PHF11: variants seen among roughly 807,000 people sequenced by gnomAD.
The protein encoded by PHF11 is PHD finger protein 11.
In PHF11, 38 loss-of-function variants were observed where a neutral mutation model predicts 40.5. That is an observed-to-expected ratio of 0.94 (90% CI 0.72 to 1.23). PHF11 has a LOEUF of 1.23. Ranked by LOEUF, PHF11 falls within the 50% of genes most tolerant of loss-of-function variation. PHF11 has a pLI of 0.00. For synonymous variants in PHF11, 127 were observed against 138.2 expected (o/e 0.92, Z 0.57); for missense variants, 369 against 392.4 (o/e 0.94, Z 0.50).
chr13:49,503,646 G>T (rs1222700531), intron 1 of PHF11, among the ~76,000 whole-genome samples: 1 of 152,216 alleles, frequency 6.6e-6, no homozygotes, highest in Non-Finnish European at 1.5e-5. Flanking sequence ...TTGACTAAAT[G>T]TTGAAAGGAT....
intron 4 of PHF11, chr13:49,518,850 T>G (rs2139064943): frequency 6.6e-6 from 1 of 151,558 alleles, no homozygotes; most frequent in African/African-American, 2.4e-5. Context: ...TTTTTTTTTT[T>G]TTTGAGACAG....
intron 3 of PHF11, among the ~76,000 whole-genome samples, chr13:49,517,044 T>A (rs1959164625): frequency 6.6e-6 from 1 of 152,228 alleles, no homozygotes; most frequent in East Asian, 1.9e-4. Flanking sequence ...CATGTACAAC[T>A]TATTCAGGAG....
rs777403349 is a variant in PHF11, at chr13:49,518,023, C to A, written c.330C>A (p.Cys110Ter). ...TAAAATCTATTCTTCTGTAGAAATG[C>A]AAATTTTGTCATAAAAGAGGAGCCA... ...KEIQRGRKLK[C>*]KFCHKRGATV... The change falls in exon 4 of 10, where the codon TGC (cysteine) becomes TGA (stop). Residue 110 changes from cysteine to a stop codon, truncating the protein, a stop_gained. Transcript: ENST00000378319. LOFTEE classifies it high-confidence loss of function. 1.3e-6 allele frequency: 2 copies of A among 1,527,856 alleles called. No homozygotes were observed. The highest frequency in any genetic ancestry group is 1.4e-5 in the African/African-American group (1 of 72,276). The allele number at this position is 1,527,856 out of a possible 1,614,324, so 94.6% of individuals were successfully genotyped here. A position where few individuals can be genotyped will look rare whatever the true frequency, so the allele number is the denominator to read the frequency against.
chr13:49,514,093 A>C (rs2139055262), intron 3 of PHF11, among the ~76,000 whole-genome samples: 1 of 152,330 alleles, frequency 6.6e-6, no homozygotes, highest in East Asian at 1.9e-4. Flanking sequence ...AAGGAGGAAG[A>C]AATGCTGAGA....
intron 2 of PHF11, among the ~76,000 whole-genome samples, chr13:49,511,398 C>A (rs1566190841): frequency 6.8e-6 from 1 of 147,786 alleles, no homozygotes; most frequent in Non-Finnish European, 1.5e-5. Context: ...GCGATCTCGG[C>A]TCACTGCACC....
At chr13:49,511,624 G>A (rs558178408) in intron 2 of PHF11, among the ~76,000 whole-genome samples, 17 of 152,232 alleles carry the variant, frequency 1.1e-4, no homozygotes, top group Admixed American at 9.2e-4. Flanking sequence ...CACCGCACCC[G>A]GCTATTCAGT....
chr13:49,508,230 TTGTG>T, intron 2 of PHF11, among the ~76,000 whole-genome samples: 1 of 124,964 alleles, frequency 8.0e-6, no homozygotes, highest in Non-Finnish European at 1.7e-5. Flanking sequence ...TAATATATTA[TTGTG>T]TTATGTATTA....
chr13:49,528,674 G>A lies in PHF11; in HGVS notation c.*9G>A, dbSNP rs1046295. On this transcript the variant is annotated 3_prime_UTR_variant, in exon 10 of 10. Transcript: ENST00000378319. ...CATCCCTGTCTTATTAGGGATTACCGTTTCCTAAGCCAAGAGTCATGTCAA... is the reference window on the plus strand; with the variant it reads ...CATCCCTGTCTTATTAGGGATTACCATTTCCTAAGCCAAGAGTCATGTCAA... 0.51 allele frequency: 805,010 copies of A among 1,573,548 alleles called. 209,815 individuals are homozygous for A. The highest frequency in any genetic ancestry group is 0.54 in the Middle Eastern group (3,199 of 5,908).
chr13:49,522,642 C>T (rs530041633), intron 6 of PHF11, among the ~76,000 whole-genome samples: 5 of 152,158 alleles, frequency 3.3e-5, no homozygotes, highest in Admixed American at 1.3e-4. Context: ...AATTCATATG[C>T]GCCAGCAACC....
At chr13:49,507,881 G>T (rs1015729724) in intron 2 of PHF11, among the ~76,000 whole-genome samples, 1 of 152,074 alleles carries the variant, frequency 6.6e-6, no homozygotes, top group Non-Finnish European at 1.5e-5. Flanking sequence ...AGCCTTGGGG[G>T]TTCCTGGAAC....
chr13:49,525,952 T>C, intron 8 of PHF11: 1 of 351,644 alleles, frequency 2.8e-6, no homozygotes, highest in Non-Finnish European at 5.5e-6. Flanking sequence ...GTGGATCATC[T>C]GTGGTCAGCA....
intron 2 of PHF11, among the ~76,000 whole-genome samples, chr13:49,508,268 T>G (rs1959035405): frequency 6.8e-6 from 1 of 147,230 alleles, no homozygotes; most frequent in Non-Finnish European, 1.5e-5. Flanking sequence ...GTGTTATGTA[T>G]TAATATATTA....
chr13:49,521,388 C>G, intron 5 of PHF11: 1 of 987,778 alleles, frequency 1.0e-6, no homozygotes, highest in Non-Finnish European at 1.2e-6. Flanking sequence ...TACTTTCATT[C>G]ATGAGTGGAA....
At chr13:49,505,159 AAG>A (rs1309448607) in intron 1 of PHF11, among the ~76,000 whole-genome samples, 3 of 150,826 alleles carry the variant, frequency 2.0e-5, no homozygotes, top group African/African-American at 7.3e-5. Flanking sequence ...AAAAAAAAAA[AAG>A]ATACTCCCAA....
At chr13:49,522,676 G>A (rs1011900877) in intron 6 of PHF11, among the ~76,000 whole-genome samples, 1 of 151,894 alleles carries the variant, frequency 6.6e-6, no homozygotes. Flanking sequence ...GTTTATACAA[G>A]GGGTGCTTGT....
At chr13:49,527,777 T>A (rs578190355) in intron 9 of PHF11, among the ~76,000 whole-genome samples, 1 of 152,166 alleles carries the variant, frequency 6.6e-6, no homozygotes, top group South Asian at 2.1e-4. Flanking sequence ...TATAGTGTAG[T>A]ATGGCGGGGG....
At chr13:49,507,566 A>G (rs1349427445) in intron 2 of PHF11, among the ~76,000 whole-genome samples, 2 of 152,200 alleles carry the variant, frequency 1.3e-5, no homozygotes, top group Non-Finnish European at 2.9e-5. Flanking sequence ...TACTTGACTA[A>G]ATACACCAAA....
chr13:49,521,260 A>AGAT, intron 5 of PHF11: 17 of 1,026,636 alleles, frequency 1.7e-5, no homozygotes, highest in Non-Finnish European at 2.0e-5. Context: ...AATTTTCAGT[A>AGAT]GATAAAATTT....
chr13:49,511,436 C>T (rs749780052), intron 2 of PHF11, among the ~76,000 whole-genome samples: 1 of 150,046 alleles, frequency 6.7e-6, no homozygotes, highest in Non-Finnish European at 1.5e-5. Flanking sequence ...AAGCAGTTCT[C>T]CTGCCTCAGC....
Sources: gnomAD v4.1 joint callset for allele counts (sites outside exome capture counted in the v4.1 genomes callset) on GRCh38, gnomAD v4.1.1 for gene constraint, MANE v1.5 for transcripts, NCBI Gene and HGNC (gene_info 2026-07-23, HGNC 2026-07-21) for gene names.